ANGPT1: variants seen among roughly 807,000 people sequenced by gnomAD.
ANGPT1 encodes angiopoietin 1, also known as angiopoietin-1.
ANGPT1 carries 17 observed loss-of-function variants against 62.2 expected under a neutral mutation model. The observed-to-expected ratio is 0.27, with a 90% CI of 0.19 to 0.41. The LOEUF (loss-of-function observed/expected upper bound fraction) is 0.41, where lower values mean the gene tolerates loss of function less well. Among genes scored for constraint, ANGPT1 ranks in the 10% least tolerant of loss-of-function variants. The pLI is 1.00. For missense variants in ANGPT1, 478 were observed against 594.9 expected (o/e 0.80, Z 2.04); for synonymous variants, 199 against 198.9 (o/e 1.00, Z 0.00).
chr8:107,394,538 G>T (rs1821305), intron 1 of ANGPT1, among the ~76,000 whole-genome samples: 1 of 152,028 alleles, frequency 6.6e-6, no homozygotes, highest in South Asian at 2.1e-4. Context: ...TAAGGAGCTG[G>T]GGGGAGGGAA....
chr8:107,360,236 T>C (rs1271643123), intron 1 of ANGPT1, among the ~76,000 whole-genome samples: 2 of 152,222 alleles, frequency 1.3e-5, no homozygotes, highest in Admixed American at 6.5e-5. Flanking sequence ...CAATCGTCTT[T>C]GTTTTTTGAA....
intron 2 of ANGPT1, among the ~76,000 whole-genome samples, chr8:107,346,423 T>A (rs1815804275): frequency 6.6e-6 from 1 of 152,130 alleles, no homozygotes; most frequent in African/African-American, 2.4e-5. Flanking sequence ...TATCCCTAGT[T>A]TTTACTCGTT....
intron 7 of ANGPT1, among the ~76,000 whole-genome samples, chr8:107,265,517 C>A (rs891494805): frequency 6.6e-6 from 1 of 152,142 alleles, no homozygotes. Context: ...GTTGTCGTAT[C>A]GACAGCTTGA....
intron 1 of ANGPT1, among the ~76,000 whole-genome samples, chr8:107,381,088 A>G (rs1475135867): frequency 6.6e-6 from 1 of 152,158 alleles, no homozygotes; most frequent in Non-Finnish European, 1.5e-5. Flanking sequence ...TCCATCTCCT[A>G]GTGGGCAGCT....
intron 1 of ANGPT1, among the ~76,000 whole-genome samples, chr8:107,392,129 T>C (rs535119541): frequency 1.3e-5 from 2 of 152,322 alleles, no homozygotes; most frequent in African/African-American, 2.4e-5. Context: ...ACTTTCTTTA[T>C]GTTTATACAT....
At chr8:107,352,542 C>T (rs760223941) in intron 1 of ANGPT1, among the ~76,000 whole-genome samples, 18 of 152,092 alleles carry the variant, frequency 1.2e-4, no homozygotes, top group Admixed American at 9.2e-4. Flanking sequence ...TTCATGAGAA[C>T]CAAAATCTGT....
At chr8:107,380,080 C>T (rs2130270073) in intron 1 of ANGPT1, among the ~76,000 whole-genome samples, 1 of 152,022 alleles carries the variant, frequency 6.6e-6, no homozygotes, top group East Asian at 1.9e-4. Flanking sequence ...ATACTACAGC[C>T]CCGGGATAGC....
chr8:107,487,135 A>T (rs1233234863), intron 1 of ANGPT1, among the ~76,000 whole-genome samples: 1 of 152,182 alleles, frequency 6.6e-6, no homozygotes, highest in Non-Finnish European at 1.5e-5. Flanking sequence ...ATAAAGGGAC[A>T]GTCACTGGTC....
chr8:107,314,358 C>G (rs1042752131), intron 4 of ANGPT1, among the ~76,000 whole-genome samples: 1 of 152,128 alleles, frequency 6.6e-6, no homozygotes, highest in East Asian at 1.9e-4. Flanking sequence ...AGAGAATTAA[C>G]CACAAAATTT....
chr8:107,445,838 T>C (rs1811601754), intron 1 of ANGPT1, among the ~76,000 whole-genome samples: 1 of 152,110 alleles, frequency 6.6e-6, no homozygotes, highest in East Asian at 1.9e-4. Context: ...GATTTTAAAG[T>C]TTCTAGTATG....
intron 3 of ANGPT1, among the ~76,000 whole-genome samples, chr8:107,333,957 A>AAAGAAAAG (rs1815487384): frequency 7.8e-6 from 1 of 128,838 alleles, no homozygotes; most frequent in African/African-American, 3.0e-5. Context: ...AGAAAGAAAG[A>AAAGAAAAG]AAAGAAAGAA....
At chr8:107,410,455 C>T (rs933272044) in intron 1 of ANGPT1, among the ~76,000 whole-genome samples, 8 of 152,212 alleles carry the variant, frequency 5.3e-5, no homozygotes, top group South Asian at 2.1e-4. Context: ...CCCTACAGTC[C>T]GCAGGTGACC....
chr8:107,375,561 A>G (rs1176651760), intron 1 of ANGPT1, among the ~76,000 whole-genome samples: 2 of 152,192 alleles, frequency 1.3e-5, no homozygotes, highest in Admixed American at 1.3e-4. Context: ...GTATTTTACC[A>G]TCCTCCTCCC....
chr8:107,258,699 C>A (rs1039568714), intron 8 of ANGPT1, among the ~76,000 whole-genome samples: 5 of 152,086 alleles, frequency 3.3e-5, no homozygotes, highest in African/African-American at 1.2e-4. Context: ...CAGTCAGGAA[C>A]CTAACACTCA....
intron 1 of ANGPT1, among the ~76,000 whole-genome samples, chr8:107,480,359 T>C (rs1363455560): frequency 6.6e-6 from 1 of 152,198 alleles, no homozygotes; most frequent in Non-Finnish European, 1.5e-5. Context: ...TAAAACAACA[T>C]AAATTCTGCT....
chr8:107,445,998 A>C (rs1268242782), intron 1 of ANGPT1, among the ~76,000 whole-genome samples: 1 of 152,032 alleles, frequency 6.6e-6, no homozygotes, highest in Non-Finnish European at 1.5e-5. Context: ...GCTCACTGAA[A>C]CCTCTGCCTC....
intron 1 of ANGPT1, among the ~76,000 whole-genome samples, chr8:107,384,246 G>A (rs1262408351): frequency 6.6e-6 from 1 of 152,044 alleles, no homozygotes; most frequent in East Asian, 1.9e-4. Context: ...GCATGGTTTT[G>A]TTGATTTGTT....
chr8:107,481,530 C>T (rs1457220412), intron 1 of ANGPT1, among the ~76,000 whole-genome samples: 1 of 32,256 alleles, frequency 3.1e-5, no homozygotes, highest in Non-Finnish European at 5.1e-5. Flanking sequence ...AAGACTCTGT[C>T]TCAAAAAAAA....
At chr8:107,344,997 A>T (rs1391731739) in intron 2 of ANGPT1, among the ~76,000 whole-genome samples, 1 of 152,212 alleles carries the variant, frequency 6.6e-6, no homozygotes, top group Non-Finnish European at 1.5e-5. Context: ...ATACATTTAC[A>T]TATAACAGGT....
Sources: gnomAD v4.1 joint callset for allele counts (sites outside exome capture counted in the v4.1 genomes callset) on GRCh38, gnomAD v4.1.1 for gene constraint, MANE v1.5 for transcripts, NCBI Gene and HGNC (gene_info 2026-07-23, HGNC 2026-07-21) for gene names.